Variants in STXBP5L observed in about 807,000 individuals in gnomAD.
STXBP5L encodes the protein syntaxin-binding protein 5-like.
STXBP5L carries 65 observed loss-of-function variants against 144.5 expected under a neutral mutation model. The observed-to-expected ratio is 0.45, with a 90% CI of 0.37 to 0.55. The LOEUF (loss-of-function observed/expected upper bound fraction) is 0.55. Ranked by LOEUF, STXBP5L falls within the 20% of genes least tolerant of loss-of-function variation. The probability of loss-of-function intolerance (pLI) is 0.00; values close to 1 mark genes in which losing one functional copy is unlikely to be tolerated. For synonymous variants in STXBP5L, 505 were observed against 469.6 expected (o/e 1.08, Z -0.97); for missense variants, 1,298 against 1,405.5 (o/e 0.92, Z 1.22).
chr3:121,153,695 A>T (rs528785491), intron 8 of STXBP5L, among the ~76,000 whole-genome samples: 7 of 151,916 alleles, frequency 4.6e-5, no homozygotes, highest in Non-Finnish European at 8.8e-5. Flanking sequence ...ACAATTCGTT[A>T]TCAGTCATTC....
intron 1 of STXBP5L, among the ~76,000 whole-genome samples, chr3:120,908,830 A>T (rs1576399177): frequency 2.0e-5 from 1 of 50,598 alleles, no homozygotes; most frequent in Non-Finnish European, 3.8e-5. Flanking sequence ...AGATGGGGAG[A>T]GGGGGGAAAG....
chr3:121,025,279 A>G (rs534289043), intron 3 of STXBP5L, among the ~76,000 whole-genome samples: 110 of 152,252 alleles, frequency 7.2e-4, no homozygotes, highest in African/African-American at 2.5e-3. Context: ...AGTTTTCAAA[A>G]TGATTCCTTG....
intron 7 of STXBP5L, among the ~76,000 whole-genome samples, chr3:121,127,851 C>G (rs915906889): frequency 1.3e-5 from 2 of 151,902 alleles, no homozygotes; most frequent in South Asian, 2.1e-4. Context: ...CCTCTTTCAC[C>G]ATTTCTGGAG....
At chr3:121,095,133 G>T (rs1300219202) in intron 5 of STXBP5L, among the ~76,000 whole-genome samples, 3 of 152,204 alleles carry the variant, frequency 2.0e-5, no homozygotes, top group African/African-American at 7.2e-5. Flanking sequence ...CTTCTGGCTT[G>T]TAGAGTTTCT....
chr3:121,382,716 T>C (rs1430183461), intron 22 of STXBP5L, among the ~76,000 whole-genome samples: 1 of 152,120 alleles, frequency 6.6e-6, no homozygotes, highest in African/African-American at 2.4e-5. Context: ...ATTGTGGTTT[T>C]CTGTATCACA....
intron 3 of STXBP5L, among the ~76,000 whole-genome samples, chr3:120,956,129 T>C (rs1407308955): frequency 6.6e-6 from 1 of 151,926 alleles, no homozygotes; most frequent in East Asian, 1.9e-4. Context: ...TGAACCTAAG[T>C]TTTTGTTTCT....
intron 22 of STXBP5L, among the ~76,000 whole-genome samples, chr3:121,398,720 A>G (rs1352510761): frequency 2.6e-5 from 4 of 152,204 alleles, no homozygotes; most frequent in Admixed American, 6.5e-5. Context: ...TGTGCCAACA[A>G]AGTAGCTTTA....
intron 20 of STXBP5L, among the ~76,000 whole-genome samples, chr3:121,351,413 C>A (rs540530714): frequency 5.9e-5 from 9 of 152,204 alleles, no homozygotes; most frequent in Non-Finnish European, 1.0e-4. Flanking sequence ...GTTAGGGACC[C>A]ACTTGAGGAG....
intron 3 of STXBP5L, among the ~76,000 whole-genome samples, chr3:120,983,920 T>G (rs1942044251): frequency 6.6e-6 from 1 of 152,246 alleles, no homozygotes; most frequent in African/African-American, 2.4e-5. Flanking sequence ...ACTAGCTGCA[T>G]CTGGCCAGCC....
intron 3 of STXBP5L, among the ~76,000 whole-genome samples, chr3:120,986,782 C>A (rs1448696232): frequency 2.0e-5 from 3 of 151,536 alleles, no homozygotes; most frequent in Non-Finnish European, 3.0e-5. Context: ...AATTTGAGAG[C>A]TGAAAATTAC....
At chr3:120,921,247 T>C (rs1371578913) in intron 2 of STXBP5L, among the ~76,000 whole-genome samples, 10 of 152,052 alleles carry the variant, frequency 6.6e-5, no homozygotes, top group African/African-American at 2.4e-4. Context: ...CATTTTTTCA[T>C]ATGCCTGTTG....
intron 9 of STXBP5L, among the ~76,000 whole-genome samples, chr3:121,180,748 C>T (rs149111094): frequency 2.5e-4 from 38 of 152,290 alleles, no homozygotes; most frequent in African/African-American, 8.7e-4. Flanking sequence ...GTAGCTCATG[C>T]CTGTAATCTC....
intron 3 of STXBP5L, among the ~76,000 whole-genome samples, chr3:121,022,813 A>G (rs2107464742): frequency 6.6e-6 from 1 of 152,296 alleles, no homozygotes; most frequent in East Asian, 1.9e-4. Flanking sequence ...TGAATGGGGA[A>G]AAGTTGAAAG....
intron 20 of STXBP5L, among the ~76,000 whole-genome samples, chr3:121,352,870 T>C (rs1442627196): frequency 1.3e-5 from 2 of 152,162 alleles, no homozygotes; most frequent in Non-Finnish European, 2.9e-5. Context: ...ATATCTAGTT[T>C]ATTGAGAGTT....
chr3:121,152,607 G>T lies in STXBP5L; in HGVS notation c.753+47G>T, dbSNP rs201441572. ...GTTTGAAAGAGTATTGTGACGTTAT[G>T]CCTGTTTACTACTTTTAAGCTTTGC... On this transcript the variant is annotated intron_variant, in intron 8 of 26. Coordinates refer to ENST00000471454, the MANE Select transcript of STXBP5L (RefSeq NM_001308330.2). 7 of 1,386,220 alleles carry T rather than the reference G, an allele frequency of 5.0e-6. No individual in the cohort carries two copies. The Admixed American group carries it at 1.2e-4, about 24-fold the overall frequency. 85.9% of individuals were successfully genotyped at this position (1,386,220 alleles called of 1,614,324 possible).
At chr3:121,159,961 A>G (rs2046261507) in intron 9 of STXBP5L, among the ~76,000 whole-genome samples, 1 of 152,204 alleles carries the variant, frequency 6.6e-6, no homozygotes, top group Non-Finnish European at 1.5e-5. Flanking sequence ...ATAAAGGTCA[A>G]ACTTGAAATT....
At chr3:121,091,691 G>A (rs2042806482) in intron 5 of STXBP5L, among the ~76,000 whole-genome samples, 1 of 152,140 alleles carries the variant, frequency 6.6e-6, no homozygotes, top group African/African-American at 2.4e-5. Context: ...TGTCAGATGA[G>A]TAGGTTGCGA....
intron 20 of STXBP5L, chr3:121,357,541 G>A (rs2045559447): frequency 6.6e-6 from 1 of 152,322 alleles, no homozygotes; most frequent in Non-Finnish European, 1.5e-5. Context: ...GGTGCCACTG[G>A]AGACTGGGTC....
intron 5 of STXBP5L, among the ~76,000 whole-genome samples, chr3:121,062,020 G>A (rs953332583): frequency 1.3e-5 from 2 of 152,180 alleles, no homozygotes; most frequent in African/African-American, 4.8e-5. Context: ...AAGCTAGCTG[G>A]TTATTTTTCC....
Sources: gnomAD v4.1 joint callset for allele counts (sites outside exome capture counted in the v4.1 genomes callset) on GRCh38, gnomAD v4.1.1 for gene constraint, MANE v1.5 for transcripts, NCBI Gene and HGNC (gene_info 2026-07-23, HGNC 2026-07-21) for gene names.